The following EYS variants were observed in gnomAD, a reference collection of about 807,000 sequenced individuals.
The protein encoded by EYS is protein eyes shut homolog.
EYS carries 250 observed loss-of-function variants against 282.1 expected under a neutral mutation model. That is an observed-to-expected ratio of 0.89 (90% CI 0.80 to 0.98). EYS has a LOEUF of 0.98. Among genes scored for constraint, EYS ranks in the 50% least tolerant of loss-of-function variants. The pLI is 0.00. For missense variants in EYS, 4,016 were observed against 3,709.0 expected, an observed-to-expected ratio of 1.08 and a Z score of -2.15; for synonymous variants, 1,355 against 1,282.9, an observed-to-expected ratio of 1.06 and a Z score of -1.20.
At chr6:64,559,778 T>A (rs1765340690) in intron 26 of EYS, among the ~76,000 whole-genome samples, 1 of 152,232 alleles carries the variant, frequency 6.6e-6, no homozygotes, top group East Asian at 1.9e-4. Flanking sequence ...TTCATTCCAT[T>A]CCAGGGGTAC....
At chr6:64,300,163 T>C (rs1254007288) in intron 30 of EYS, among the ~76,000 whole-genome samples, 1 of 152,050 alleles carries the variant, frequency 6.6e-6, no homozygotes, top group Non-Finnish European at 1.5e-5. Flanking sequence ...TTAATGCTTA[T>C]AAAAAAATAA....
intron 26 of EYS, among the ~76,000 whole-genome samples, chr6:64,577,117 T>C (rs1765906157): frequency 6.6e-6 from 1 of 152,114 alleles, no homozygotes; most frequent in African/African-American, 2.4e-5. Flanking sequence ...GATTCTCCCC[T>C]GTAGGTTTCT....
At chr6:63,730,298 T>C (rs1379995310) in intron 41 of EYS, among the ~76,000 whole-genome samples, 2 of 152,230 alleles carry the variant, frequency 1.3e-5, no homozygotes, top group Non-Finnish European at 2.9e-5. Flanking sequence ...TTTTTACTTT[T>C]TGTCTTAATC....
intron 12 of EYS, among the ~76,000 whole-genome samples, chr6:65,221,650 C>T (rs189203598): frequency 1.3e-5 from 2 of 151,930 alleles, no homozygotes; most frequent in African/African-American, 2.4e-5. Context: ...GAGTTGGAGC[C>T]CCCACACAGA....
chr6:64,768,156 T>A (rs562025166), intron 22 of EYS, among the ~76,000 whole-genome samples: 6 of 152,110 alleles, frequency 3.9e-5, no homozygotes, highest in African/African-American at 4.8e-5. Context: ...TGTATTAAAC[T>A]ATTCTGTTTG....
chr6:64,089,261 C>G (rs545490463), intron 31 of EYS, among the ~76,000 whole-genome samples: 30 of 151,164 alleles, frequency 2.0e-4, no homozygotes, highest in Non-Finnish European at 4.1e-4. Flanking sequence ...CCATGTATCT[C>G]CTTTCCTGAA....
intron 35 of EYS, among the ~76,000 whole-genome samples, chr6:63,956,087 C>T (rs1765806869): frequency 6.9e-6 from 1 of 143,926 alleles, no homozygotes; most frequent in East Asian, 2.0e-4. Flanking sequence ...CTCCATACCA[C>T]CCCCCACAAT....
intron 12 of EYS, among the ~76,000 whole-genome samples, chr6:65,135,005 T>A (rs1775983157): frequency 2.0e-5 from 3 of 152,038 alleles, no homozygotes; most frequent in South Asian, 2.1e-4. Flanking sequence ...TATATATATA[T>A]TTTTTCAGAT....
chr6:64,890,231 A>C (rs1210335587), intron 18 of EYS, among the ~76,000 whole-genome samples: 1 of 152,136 alleles, frequency 6.6e-6, no homozygotes, highest in East Asian at 1.9e-4. Flanking sequence ...AATGGTGCCC[A>C]AAACTTCATT....
At chr6:64,276,990 G>T (rs567515639) in intron 30 of EYS, among the ~76,000 whole-genome samples, 2 of 152,232 alleles carry the variant, frequency 1.3e-5, no homozygotes, top group Admixed American at 6.5e-5. Context: ...TATTGATGCA[G>T]TTTTTCTCAG....
At chr6:64,467,216 CT>C (rs909237938) in intron 26 of EYS, among the ~76,000 whole-genome samples, 4 of 152,032 alleles carry the variant, frequency 2.6e-5, no homozygotes, top group African/African-American at 9.7e-5. Flanking sequence ...TGTAATTACT[CT>C]GATTAAGATT....
At chr6:64,566,486 G>A (rs1184597241) in intron 26 of EYS, among the ~76,000 whole-genome samples, 1 of 151,994 alleles carries the variant, frequency 6.6e-6, no homozygotes, top group East Asian at 1.9e-4. Flanking sequence ...AGCAAATCTG[G>A]ATAAAATGCA....
At chr6:63,771,961 T>G (rs1265653266) in intron 40 of EYS, among the ~76,000 whole-genome samples, 4 of 152,160 alleles carry the variant, frequency 2.6e-5, no homozygotes, top group Non-Finnish European at 5.9e-5. Flanking sequence ...ACATTCTTGC[T>G]TTTAGGCATA....
At chr6:64,877,769 CT>C (rs930629839) in intron 19 of EYS, among the ~76,000 whole-genome samples, 9 of 151,806 alleles carry the variant, frequency 5.9e-5, no homozygotes, top group Admixed American at 4.6e-4. Context: ...TTTCAAAATT[CT>C]TTTTTTTAAA....
chr6:64,054,694 A>G (rs1770924215), intron 33 of EYS, among the ~76,000 whole-genome samples: 1 of 152,140 alleles, frequency 6.6e-6, no homozygotes, highest in Non-Finnish European at 1.5e-5. Context: ...TCAATTAGTT[A>G]TAGTTGAATG....
At chr6:64,111,192 C>T (rs142220348) in intron 31 of EYS, among the ~76,000 whole-genome samples, 3 of 152,102 alleles carry the variant, frequency 2.0e-5, no homozygotes, top group African/African-American at 7.2e-5. Flanking sequence ...ATTCACTCTA[C>T]TAGTTTAAGC....
At chr6:64,993,615 TAC>T (rs1009994566) in intron 14 of EYS, among the ~76,000 whole-genome samples, 10 of 147,484 alleles carry the variant, frequency 6.8e-5, no homozygotes, top group African/African-American at 2.5e-4. Flanking sequence ...TTAGGAGATA[TAC>T]CTAATGTTAA....
intron 1 of EYS, among the ~76,000 whole-genome samples, chr6:65,690,509 C>G (rs1434548830): frequency 6.7e-6 from 1 of 150,096 alleles, no homozygotes; most frequent in Non-Finnish European, 1.5e-5. Context: ...CCTGACTGCA[C>G]GTCCATTCAT....
At chr6:65,547,490 C>T (rs1331874740) in intron 2 of EYS, among the ~76,000 whole-genome samples, 1 of 151,634 alleles carries the variant, frequency 6.6e-6, no homozygotes, top group Non-Finnish European at 1.5e-5. Flanking sequence ...AAAATATGTT[C>T]CTGATTACTT....
Sources: gnomAD v4.1 joint callset for allele counts (sites outside exome capture counted in the v4.1 genomes callset) on GRCh38, gnomAD v4.1.1 for gene constraint, MANE v1.5 for transcripts, NCBI Gene and HGNC (gene_info 2026-07-23, HGNC 2026-07-21) for gene names.